The following RAB7A variants were observed in gnomAD, a reference collection of about 807,000 sequenced individuals.
RAB7A encodes the protein RAB7A, member RAS oncogene family.
Under a neutral mutation model 24.5 loss-of-function variants are expected in RAB7A, and 2 were observed. The observed-to-expected ratio is 0.08, with a 90% confidence interval of 0.03 to 0.26. RAB7A has a LOEUF of 0.26. Ranked by LOEUF, RAB7A falls within the 10% of genes least tolerant of loss-of-function variation. RAB7A has a pLI of 1.00. For synonymous variants in RAB7A, 100 were observed against 95.9 expected, an observed-to-expected ratio of 1.04 and a Z score of -0.25; for missense variants, 118 against 255.7, an observed-to-expected ratio of 0.46 and a Z score of 3.67.
intron 1 of RAB7A, among the ~76,000 whole-genome samples, chr3:128,775,409 C>T (rs947062337): frequency 3.9e-5 from 6 of 152,206 alleles, no homozygotes; most frequent in African/African-American, 7.2e-5. Flanking sequence ...CCTGGTGTAA[C>T]ATCCCTCGCC....
At chr3:128,795,168 G>C in intron 1 of RAB7A, 192 bp from the exon 2 acceptor site, 1 of 644,062 alleles carries the variant, frequency 1.6e-6, no homozygotes, top group Non-Finnish European at 2.9e-6. Flanking sequence ...GTGCTGTTCT[G>C]CCTCGCTCTT....
chr3:128,813,313 G>C lies in RAB7A; in HGVS notation c.529-14G>C, dbSNP rs773589267. 3.1e-6 allele frequency: 5 copies of C among 1,611,796 alleles called. No individual in the cohort carries two copies. In the Admixed American group the frequency reaches 6.7e-5, roughly 21 times the overall value. On this transcript the variant is annotated splice_polypyrimidine_tract_variant and intron_variant, in intron 5 of 5. Coordinates refer to ENST00000265062, the MANE Select transcript of RAB7A (RefSeq NM_004637.6). ...TTCCCTGAGTAACCAACCTTTCTCT[G>C]TTTCCTTGTCCAGGAAACGGAGGTG...
intron 1 of RAB7A, among the ~76,000 whole-genome samples, chr3:128,776,992 A>C (rs1933108517): frequency 6.7e-6 from 1 of 150,004 alleles, no homozygotes; most frequent in Non-Finnish European, 1.5e-5. Flanking sequence ...ACACACCCCT[A>C]TTAGTCATTT....
intron 1 of RAB7A, among the ~76,000 whole-genome samples, chr3:128,784,626 C>T (rs1167227972): frequency 6.6e-6 from 1 of 152,170 alleles, no homozygotes; most frequent in Admixed American, 6.5e-5. Context: ...GCCCAGGCAC[C>T]TCATTTTCAT....
At chr3:128,787,314 A>G (rs576497327) in intron 1 of RAB7A, among the ~76,000 whole-genome samples, 8 of 152,356 alleles carry the variant, frequency 5.3e-5, no homozygotes, top group Admixed American at 1.3e-4. Context: ...ATCTAGTGCT[A>G]TCATTACGGT....
At chr3:128,757,762 C>A (rs2107594570) in intron 1 of RAB7A, among the ~76,000 whole-genome samples, 1 of 152,278 alleles carries the variant, frequency 6.6e-6, no homozygotes, top group East Asian at 1.9e-4. Context: ...AAGTGATCCA[C>A]CTGCCTCAGC....
chr3:128,743,310 A>G (rs928294675), intron 1 of RAB7A, among the ~76,000 whole-genome samples: 9 of 152,184 alleles, frequency 5.9e-5, no homozygotes, highest in African/African-American at 2.2e-4. Flanking sequence ...CTCTCCCTCC[A>G]CAACTCCCTG....
At chr3:128,741,168 C>CGAG (rs2070549768) in intron 1 of RAB7A, among the ~76,000 whole-genome samples, 1 of 151,818 alleles carries the variant, frequency 6.6e-6, no homozygotes, top group African/African-American at 2.4e-5. Flanking sequence ...TTGTACCTCA[C>CGAG]CTCTCTCCCA....
At chr3:128,771,287 A>G (rs150425072) in intron 1 of RAB7A, among the ~76,000 whole-genome samples, 3 of 152,274 alleles carry the variant, frequency 2.0e-5, no homozygotes, top group African/African-American at 4.8e-5. Flanking sequence ...TTTAAGTTCT[A>G]TAATTGGTAG....
chr3:128,752,266 A>G (rs1333971213), intron 1 of RAB7A, among the ~76,000 whole-genome samples: 1 of 152,210 alleles, frequency 6.6e-6, no homozygotes, highest in African/African-American at 2.4e-5. Context: ...GTGATAACCA[A>G]CAATACTAAT....
At chr3:128,776,989 C>CT (rs1559790084) in intron 1 of RAB7A, among the ~76,000 whole-genome samples, 1 of 148,458 alleles carries the variant, frequency 6.7e-6, no homozygotes, top group Non-Finnish European at 1.5e-5. Context: ...CACACACACC[C>CT]CTATTAGTCA....
At chr3:128,769,801 G>A (rs1367801931) in intron 1 of RAB7A, among the ~76,000 whole-genome samples, 1 of 152,302 alleles carries the variant, frequency 6.6e-6, no homozygotes, top group East Asian at 1.9e-4. Flanking sequence ...GGCAGTAGCA[G>A]AAGAATGGGC....
chr3:128,744,628 C>G (rs1223288646), intron 1 of RAB7A, among the ~76,000 whole-genome samples: 1 of 152,202 alleles, frequency 6.6e-6, no homozygotes, highest in Non-Finnish European at 1.5e-5. Context: ...TTGTATAGCT[C>G]CCAGCACAGC....
intron 1 of RAB7A, among the ~76,000 whole-genome samples, chr3:128,774,793 C>T (rs914658818): frequency 6.6e-6 from 1 of 152,080 alleles, no homozygotes; most frequent in Non-Finnish European, 1.5e-5. Flanking sequence ...AGGATGGTCT[C>T]GATCTCCTGC....
At chr3:128,772,958 C>T (rs1026375655) in intron 1 of RAB7A, among the ~76,000 whole-genome samples, 7 of 152,204 alleles carry the variant, frequency 4.6e-5, no homozygotes, top group African/African-American at 1.4e-4. Context: ...ACCTCCCAGC[C>T]GCCTGCCTTG....
chr3:128,741,781 G>T (rs2070556670), intron 1 of RAB7A, among the ~76,000 whole-genome samples: 1 of 152,178 alleles, frequency 6.6e-6, no homozygotes, highest in African/African-American at 2.4e-5. Context: ...TATATACACA[G>T]ATACATACAC....
At chr3:128,728,525 C>T (rs1247229100) in intron 1 of RAB7A, among the ~76,000 whole-genome samples, 6 of 152,282 alleles carry the variant, frequency 3.9e-5, no homozygotes, top group East Asian at 1.9e-4. Context: ...TGCAATAGCG[C>T]GATGTCGGCT....
intron 1 of RAB7A, among the ~76,000 whole-genome samples, chr3:128,787,920 C>T (rs1933374837): frequency 6.6e-6 from 1 of 152,154 alleles, no homozygotes; most frequent in South Asian, 2.1e-4. Flanking sequence ...AACATGTTGC[C>T]CAGGTTGGTC....
At chr3:128,802,471 A>T (rs548419996) in intron 3 of RAB7A, among the ~76,000 whole-genome samples, 4 of 152,196 alleles carry the variant, frequency 2.6e-5, no homozygotes, top group African/African-American at 9.6e-5. Flanking sequence ...AGGGTGTTGT[A>T]GGGTACATAT....
Sources: gnomAD v4.1 joint callset for allele counts (sites outside exome capture counted in the v4.1 genomes callset) on GRCh38, gnomAD v4.1.1 for gene constraint, MANE v1.5 for transcripts, NCBI Gene and HGNC (gene_info 2026-07-23, HGNC 2026-07-21) for gene names.